The following THUMPD3 variants were observed in gnomAD, a reference collection of about 807,000 sequenced individuals.
THUMPD3 encodes the protein THUMP domain 3 tRNA guanosine methyltransferase.
Under a neutral mutation model 54.5 loss-of-function variants are expected in THUMPD3, and 44 were observed. The observed-to-expected ratio is 0.81, with a 90% CI of 0.63 to 1.04. The LOEUF is 1.04. Among genes scored for constraint, THUMPD3 ranks in the 50% least tolerant of loss-of-function variants. The probability of loss-of-function intolerance (pLI) is 0.00; values close to 1 mark genes in which losing one functional copy is unlikely to be tolerated. For synonymous variants in THUMPD3, 196 were observed against 201.4 expected, an observed-to-expected ratio of 0.97 and a Z score of 0.23; for missense variants, 604 against 601.3, an observed-to-expected ratio of 1.00 and a Z score of -0.05.
intron 4 of THUMPD3, among the ~76,000 whole-genome samples, chr3:9,371,791 A>T (rs1048255411): frequency 2.0e-5 from 3 of 152,272 alleles, no homozygotes; most frequent in African/African-American, 7.2e-5. Context: ...CCTGAAGGAT[A>T]AATGAGGTAC....
intron 3 of THUMPD3, among the ~76,000 whole-genome samples, chr3:9,370,270 TTAAA>T (rs2031924636): frequency 6.6e-6 from 1 of 152,244 alleles, no homozygotes; most frequent in Admixed American, 6.5e-5. Flanking sequence ...AGTGATATAA[TTAAA>T]TAGATTATAG....
Position 9,383,323 on chromosome 3 carries a change from G to C in THUMPD3, c.1235+14G>C, listed in dbSNP as rs750504549. On this transcript the variant is annotated intron_variant, in intron 8 of 9. Transcript: ENST00000452837. ...ATTTGGAAAAAGGTGAGAAATACTA[G>C]TACCTGCTTGTCTTCTAAATATGTC... 1 of 1,527,468 alleles carries C rather than the reference G, an allele frequency of 6.5e-7. No individual in the cohort carries two copies. Among genetic ancestry groups the C allele is most frequent in the Non-Finnish European group, 9.1e-7 (1 of 1,101,606 alleles). The allele number at this position is 1,527,468 out of a possible 1,614,324, so 94.6% of individuals were successfully genotyped here.
In THUMPD3 at chr3:9,384,259, G is replaced by C. The variant is rs763734644; in HGVS notation, c.1283G>C (p.Arg428Pro). ...TGGAACCTTTATCCAGCTTGCCTAC[G>C]GGAGATGAGCCGTGTCTGCACACCT... ...RNWNLYPACL[R>P]EMSRVCTPTT... Residue 428 changes from arginine (R) to proline (P), a missense_variant, in exon 9 of 10, where the codon CGG (arginine) becomes CCG (proline). Coordinates refer to ENST00000452837, the MANE Select transcript of THUMPD3 (RefSeq NM_001114092.2). 1.9e-6 allele frequency: 3 copies of C among 1,614,004 alleles called. No individual in the cohort carries two copies. The African/African-American group carries it at 4.0e-5, about 22-fold the overall frequency.
Position 9,386,434 on chromosome 3 carries a change from G to T in THUMPD3, c.*1746G>T, listed in dbSNP as rs1349920455. The T allele has an allele frequency of 5.9e-5, 8 of 135,802 alleles. No individual in the cohort carries two copies. The highest frequency in any genetic ancestry group is 2.3e-4 in the African/African-American group (8 of 35,406). The allele number at this position is 135,802 out of a possible 1,614,324, so 8.4% of individuals were successfully genotyped here. On this transcript the variant is annotated 3_prime_UTR_variant, in exon 10 of 10. Coordinates refer to ENST00000452837, the MANE Select transcript of THUMPD3 (RefSeq NM_001114092.2). ...GCAGGGTATTGTATCTGCCAGACTG[G>T]GTATTTGTTGAACAAGCGAGTATTT... is the stretch of plus-strand genomic sequence containing the variant.
In THUMPD3 at chr3:9,371,412, G is replaced by A; in HGVS notation, c.683G>A (p.Arg228Lys). Reference protein sequence around the residue: ...EETEPQVLKFRVTCNRAGEKH... With the variant: ...EETEPQVLKFKVTCNRAGEKH... ...ACTGAGCCTCAAGTGCTGAAGTTTAGAGTCACATGCAACAGGGCAGGAGAG... is the reference window on the plus strand; with the variant it reads ...ACTGAGCCTCAAGTGCTGAAGTTTAAAGTCACATGCAACAGGGCAGGAGAG... The change falls in exon 4 of 10, where the codon AGA becomes AAA. Residue 228 changes from arginine to lysine, a missense_variant. Arg to Lys is a conservative substitution (Grantham distance 26). Transcript: ENST00000452837. 1 of 1,614,184 alleles carries A rather than the reference G, an allele frequency of 6.2e-7. No homozygotes were observed.
At chr3:9,365,737 G>A (rs998384466) in intron 2 of THUMPD3, among the ~76,000 whole-genome samples, 2 of 151,860 alleles carry the variant, frequency 1.3e-5, no homozygotes, top group Admixed American at 1.3e-4. Flanking sequence ...GACTACAGGC[G>A]CCCGCCACCG....
rs1255762948 is a variant in THUMPD3, at chr3:9,385,272, T to C, written c.*584T>C. ...ACTAAAGTGCTGTGAGATTGGGGTT[T>C]AGAACATTTTATTTTCAGGCTTTAT... On this transcript the variant is annotated 3_prime_UTR_variant, in exon 10 of 10. Coordinates refer to ENST00000452837, the MANE Select transcript of THUMPD3 (RefSeq NM_001114092.2). 3 of 152,420 alleles carry C rather than the reference T, an allele frequency of 2.0e-5. No homozygotes were observed. The highest frequency in any genetic ancestry group is 7.2e-5 in the African/African-American group (3 of 41,466). The allele number at this position is 152,420 out of a possible 1,614,324, so 9.4% of individuals were successfully genotyped here. A position where few individuals can be genotyped will look rare whatever the true frequency, so the allele number is the denominator to read the frequency against.
intron 3 of THUMPD3, among the ~76,000 whole-genome samples, chr3:9,368,934 C>CT (rs2031794275): frequency 6.6e-6 from 1 of 151,952 alleles, no homozygotes; most frequent in African/African-American, 2.4e-5. Context: ...CTGCGCTATG[C>CT]TTTTTTTTCA....
chr3:9,384,303 CTACT>C lies in THUMPD3; in HGVS notation c.1332_1335del (p.Thr445LysfsTer25). On this transcript the variant is annotated frameshift_variant, in exon 9 of 10. Transcript: ENST00000452837. LOFTEE classifies it high-confidence loss of function. ...CACACCTACCACAGGCCGAGCTGTA[CTACT>C]TACTCAAGACACAAAATGCTTTACC... The C allele has an allele frequency of 6.2e-7, 1 of 1,614,156 alleles. No homozygotes were observed.
rs151334180 is a variant in THUMPD3 at position 9,377,852 on chromosome 3, C to T, written c.972C>T (p.Val324=). The T allele has an allele frequency of 4.3e-6, 7 of 1,613,522 alleles. No individual in the cohort carries two copies. Among genetic ancestry groups the T allele is most frequent in the Non-Finnish European group, 5.1e-6 (6 of 1,179,620 alleles). ...LCDPLPYDII[V]DPMCGTGAIP... is the part of the protein sequence containing the mutation. The stretch of plus-strand genomic sequence containing the variant: ...ATCCTCTACCTTATGATATAATAGT[C>T]GATCCAATGTGTGGAACTGGGGCAA... Residue 324 remains valine (V), a synonymous_variant, in exon 6 of 10, where the codon GTC becomes GTT. Coordinates refer to ENST00000452837, the MANE Select transcript of THUMPD3 (RefSeq NM_001114092.2).
chr3:9,369,995 A>G (rs2125314059), intron 3 of THUMPD3, among the ~76,000 whole-genome samples: 1 of 152,326 alleles, frequency 6.6e-6, no homozygotes, highest in South Asian at 2.1e-4. Context: ...CTTATCTACC[A>G]TATATACACG....
chr3:9,365,408 C>G (rs1307092662), intron 2 of THUMPD3, 88 bp downstream of exon 2: 59 of 1,484,386 alleles, frequency 4.0e-5, no homozygotes, highest in Non-Finnish European at 5.1e-5. Flanking sequence ...GGAATCCTTT[C>G]TGATTTTCAT....
intron 3 of THUMPD3, among the ~76,000 whole-genome samples, chr3:9,367,973 G>A (rs527983315): frequency 1.2e-4 from 18 of 152,180 alleles, no homozygotes; most frequent in African/African-American, 3.9e-4. Flanking sequence ...GCTGAGGCAG[G>A]AGAATGGCGT....
intron 5 of THUMPD3, 95 bp downstream of exon 5, chr3:9,374,741 C>A: frequency 1.4e-6 from 2 of 1,408,812 alleles, no homozygotes; most frequent in Non-Finnish European, 2.0e-6. Flanking sequence ...GTTTGAGGTA[C>A]TGTGTTGGAA....
Position 9,384,512 on chromosome 3 carries a change from G to C in THUMPD3, c.1360-12G>C, listed in dbSNP as rs557094208. On this transcript the variant is annotated splice_polypyrimidine_tract_variant and intron_variant, in intron 9 of 9. Coordinates refer to ENST00000452837, the MANE Select transcript of THUMPD3 (RefSeq NM_001114092.2). ...TGTCAACCTAATTGTTATTTTTTTT[G>C]TGTGTACACAGGCGTTATCTGGAAT... The C allele has an allele frequency of 6.2e-7, 1 of 1,609,696 alleles. No individual in the cohort carries two copies. Among genetic ancestry groups the C allele is most frequent in the East Asian group, 2.2e-5 (1 of 44,858 alleles).
chr3:9,377,343 T>C (rs2032539592), intron 5 of THUMPD3, among the ~76,000 whole-genome samples: 1 of 152,166 alleles, frequency 6.6e-6, no homozygotes, highest in African/African-American at 2.4e-5. Flanking sequence ...TAATGGAATA[T>C]ACAGTCAACA....
Position 9,386,668 on chromosome 3 carries a change from C to A in THUMPD3, c.*1980C>A, listed in dbSNP as rs533833669. The A allele has an allele frequency of 2.6e-5, 4 of 152,106 alleles. No individual in the cohort carries two copies. Among genetic ancestry groups the A allele is most frequent in the Non-Finnish European group, 5.9e-5 (4 of 68,012 alleles). 9.4% of individuals were successfully genotyped at this position (152,106 alleles called of 1,614,324 possible). A position where few individuals can be genotyped will look rare whatever the true frequency, so the allele number is the denominator to read the frequency against. ...TAAGCAGGATTCATAAGGCCTGGAGCTGAGTTATATGTGACACTGCCACCT... is the reference window on the plus strand; with the variant it reads ...TAAGCAGGATTCATAAGGCCTGGAGATGAGTTATATGTGACACTGCCACCT... On this transcript the variant is annotated 3_prime_UTR_variant, in exon 10 of 10. Coordinates refer to ENST00000452837, the MANE Select transcript of THUMPD3 (RefSeq NM_001114092.2).
At chr3:9,369,095 A>AG (rs2031808910) in intron 3 of THUMPD3, among the ~76,000 whole-genome samples, 1 of 152,018 alleles carries the variant, frequency 6.6e-6, no homozygotes, top group African/African-American at 2.4e-5. Context: ...GTGAATCATG[A>AG]GGTCAGGAGT....
At position 9,382,925 on chromosome 3, in the gene THUMPD3, TCA is replaced by T. The variant is rs2033033975; in HGVS notation, c.1125-271_1125-270del. 8 of 292,526 alleles carry T rather than the reference TCA, an allele frequency of 2.7e-5. No individual in the cohort carries two copies. In the South Asian group the frequency reaches 3.2e-4, roughly 12 times the overall value. The allele number at this position is 292,526 out of a possible 1,614,324, so 18.1% of individuals were successfully genotyped here. A position where few individuals can be genotyped will look rare whatever the true frequency, so the allele number is the denominator to read the frequency against. ...AAAAAAGTATTTTAGAGACAAGGTCTCACAGTGTTGCTCAGCTGGTCTCAAAT... is the reference window on the plus strand; with the variant it reads ...AAAAAAGTATTTTAGAGACAAGGTCTCAGTGTTGCTCAGCTGGTCTCAAAT... On this transcript the variant is annotated intron_variant, in intron 7 of 9. Coordinates refer to ENST00000452837, the MANE Select transcript of THUMPD3 (RefSeq NM_001114092.2).
Sources: allele counts gnomAD v4.1 joint callset (sites outside exome capture counted in the v4.1 genomes callset), GRCh38; gene constraint gnomAD v4.1.1; transcripts MANE v1.5; gene names NCBI Gene and HGNC (gene_info 2026-07-23, HGNC 2026-07-21).